Variants in PPP1R12B observed in about 807,000 individuals in gnomAD.
PPP1R12B encodes the protein protein phosphatase 1 regulatory subunit 12B.
Under a neutral mutation model 126.1 loss-of-function variants are expected in PPP1R12B, and 76 were observed. That is an observed-to-expected ratio of 0.60 (90% confidence interval 0.50 to 0.73). The LOEUF (loss-of-function observed/expected upper bound fraction) is 0.73, where lower values mean the gene tolerates loss of function less well. PPP1R12B is among the 30% of genes least tolerant of loss of function. PPP1R12B has a pLI of 0.00. For synonymous variants in PPP1R12B, 356 were observed against 434.7 expected, an observed-to-expected ratio of 0.82 and a Z score of 2.25; for missense variants, 1,052 against 1,205.1, an observed-to-expected ratio of 0.87 and a Z score of 1.88.
chr1:202,435,395 T>G (rs1360228888), intron 9 of PPP1R12B, among the ~76,000 whole-genome samples: 1 of 152,242 alleles, frequency 6.6e-6, no homozygotes. Flanking sequence ...TGCCTACATG[T>G]AAAGTGTGGA....
In PPP1R12B at chr1:202,424,341, T is replaced by G. The variant is rs1343201789; in HGVS notation, c.542-1225T>G. Among the ~76,000 whole-genome samples, 4 of 151,786 alleles carry G rather than the reference T, an allele frequency of 2.6e-5. No homozygotes were observed. The East Asian group carries it at 7.7e-4, about 29-fold the overall frequency. ...CAGGTTCTCTCTTTTTTTTTTTTTT[T>G]GAGACAGAGTCTCACTGTGTCTCCC... On this transcript the variant is annotated intron_variant, in intron 3 of 23. Transcript: ENST00000608999.
chr1:202,577,670 T>A (rs555561284), intron 23 of PPP1R12B, among the ~76,000 whole-genome samples: 3 of 152,252 alleles, frequency 2.0e-5, no homozygotes, highest in African/African-American at 7.2e-5. Flanking sequence ...CTTCCCACTT[T>A]CCTTGTAGTT....
intron 8 of PPP1R12B, 152 bp from the exon 9 acceptor site, chr1:202,434,504 T>C (rs1670558866): frequency 9.9e-7 from 1 of 1,011,930 alleles, no homozygotes; most frequent in African/African-American, 1.7e-5. Flanking sequence ...GTTGCAAGAG[T>C]TTACAAGTTG....
chr1:202,458,529 T>G (rs1011863953), intron 13 of PPP1R12B, among the ~76,000 whole-genome samples: 4 of 151,810 alleles, frequency 2.6e-5, no homozygotes, highest in African/African-American at 9.7e-5. Flanking sequence ...TGCTAAGAAA[T>G]TTGAATTTCT....
intron 5 of PPP1R12B, 30 bp downstream of exon 5, chr1:202,427,214 A>G: frequency 1.2e-6 from 2 of 1,610,546 alleles, no homozygotes; most frequent in Non-Finnish European, 1.7e-6. Context: ...TAAAAGAACA[A>G]CGAGATTGGT....
chr1:202,510,888 AT>A (rs1157126488), intron 18 of PPP1R12B, among the ~76,000 whole-genome samples: 1 of 146,828 alleles, frequency 6.8e-6, no homozygotes. Flanking sequence ...TATATTATAT[AT>A]TTATACTAAT....
chr1:202,374,701 A>C (rs1660877286), intron 1 of PPP1R12B, among the ~76,000 whole-genome samples: 1 of 151,296 alleles, frequency 6.6e-6, no homozygotes, highest in South Asian at 2.1e-4. Flanking sequence ...GGGTTTCACC[A>C]TGTTGCCCAG....
chr1:202,362,659 GTT>G (rs556096889), intron 1 of PPP1R12B, among the ~76,000 whole-genome samples: 1 of 139,384 alleles, frequency 7.2e-6, no homozygotes, highest in Non-Finnish European at 1.5e-5. Context: ...CAGGGTTTTT[GTT>G]TTTTTTTTTT....
At chr1:202,410,538 G>A (rs573273278) in intron 1 of PPP1R12B, among the ~76,000 whole-genome samples, 19 of 152,338 alleles carry the variant, frequency 1.2e-4, no homozygotes, top group Admixed American at 2.0e-4. Flanking sequence ...TTTGGGAACC[G>A]AGGAGGCTTT....
Position 202,590,137 on chromosome 1 carries a change from G to T in PPP1R12B, c.*9577G>T, listed in dbSNP as rs1462070325. ...AAGTTATTTGCAAAGAGTCAACTGAGGACTTTGTAGAAATTGTTACTTTTC... is the reference window on the plus strand; with the variant it reads ...AAGTTATTTGCAAAGAGTCAACTGATGACTTTGTAGAAATTGTTACTTTTC... On this transcript the variant is annotated 3_prime_UTR_variant, in exon 24 of 24. Transcript: ENST00000608999. The T allele has an allele frequency of 6.6e-6, 1 of 152,172 alleles. No individual in the cohort carries two copies. Among genetic ancestry groups the T allele is most frequent in the African/African-American group, 2.4e-5 (1 of 41,412 alleles). 9.4% of individuals were successfully genotyped at this position (152,172 alleles called of 1,614,324 possible). A position where few individuals can be genotyped will look rare whatever the true frequency, so the allele number is the denominator to read the frequency against.
rs111597518 is a variant in PPP1R12B, at chr1:202,408,617, C to T, written c.292-8170C>T. ...TAAAACAAAATTATTCAATCATTCT[C>T]CCACAGTTCTGGAGTCCAGAAGTTT... is the stretch of plus-strand genomic sequence containing the variant. On this transcript the variant is annotated intron_variant, in intron 1 of 23. Coordinates refer to ENST00000608999, the MANE Select transcript of PPP1R12B (RefSeq NM_002481.4). 1.8e-3 allele frequency among the ~76,000 whole-genome samples: 274 copies of T among 152,224 alleles called. 2 individuals carry two copies. Among genetic ancestry groups the T allele is most frequent in the African/African-American group, 6.4e-3 (267 of 41,540 alleles).
intron 13 of PPP1R12B, among the ~76,000 whole-genome samples, chr1:202,459,258 T>C (rs753597104): frequency 4.1e-4 from 63 of 152,348 alleles, no homozygotes; most frequent in Non-Finnish European, 3.4e-4. Context: ...TTATTTTTTC[T>C]GTATTTTCCA....
chr1:202,468,915 A>G (rs1675459918), intron 13 of PPP1R12B, among the ~76,000 whole-genome samples: 2 of 152,206 alleles, frequency 1.3e-5, no homozygotes, highest in Non-Finnish European at 2.9e-5. Flanking sequence ...CCTGGGTGAC[A>G]GAGCAAGATT....
At chr1:202,570,547 A>G (rs1688495324) in intron 23 of PPP1R12B, among the ~76,000 whole-genome samples, 1 of 152,248 alleles carries the variant, frequency 6.6e-6, no homozygotes, top group Non-Finnish European at 1.5e-5. Context: ...AAATAGAAAT[A>G]ATAAATAATT....
chr1:202,375,249 A>C (rs1001559591), intron 1 of PPP1R12B, among the ~76,000 whole-genome samples: 2 of 152,172 alleles, frequency 1.3e-5, no homozygotes, highest in African/African-American at 4.8e-5. Flanking sequence ...TGGCCTCTCA[A>C]ACTATTTTCT....
intron 1 of PPP1R12B, among the ~76,000 whole-genome samples, chr1:202,363,014 A>T (rs541486450): frequency 6.6e-6 from 1 of 151,970 alleles, no homozygotes; most frequent in East Asian, 1.9e-4. Context: ...TTGTATTGTT[A>T]TTGGAGATGG....
At chr1:202,380,242 A>T (rs1030219555) in intron 1 of PPP1R12B, among the ~76,000 whole-genome samples, 1 of 152,128 alleles carries the variant, frequency 6.6e-6, no homozygotes, top group Non-Finnish European at 1.5e-5. Context: ...GGATTTATTC[A>T]TCCTTCCTTC....
chr1:202,589,671 G>C lies in PPP1R12B; in HGVS notation c.*9111G>C, dbSNP rs1027206110. 1 of 152,266 alleles carries C rather than the reference G, an allele frequency of 6.6e-6. No individual in the cohort carries two copies. Among genetic ancestry groups the C allele is most frequent in the African/African-American group, 2.4e-5 (1 of 41,438 alleles). 9.4% of individuals were successfully genotyped at this position (152,266 alleles called of 1,614,324 possible). ...CCACAACCTATTGGCAGAGTAAAAA[G>C]CTCATATTCTTAGCCAGGAGACCCT... On this transcript the variant is annotated 3_prime_UTR_variant, in exon 24 of 24. Transcript: ENST00000608999.
At chr1:202,418,380 T>G (rs1174496063) in intron 2 of PPP1R12B, among the ~76,000 whole-genome samples, 1 of 152,228 alleles carries the variant, frequency 6.6e-6, no homozygotes, top group Non-Finnish European at 1.5e-5. Context: ...TCTTTCACTT[T>G]TCTAAGGAGA....
Sources: allele counts gnomAD v4.1 joint callset (sites outside exome capture counted in the v4.1 genomes callset), GRCh38; gene constraint gnomAD v4.1.1; transcripts MANE v1.5; gene names NCBI Gene and HGNC (gene_info 2026-07-23, HGNC 2026-07-21).